The following SCFD1 variants were observed in gnomAD, a reference collection of about 807,000 sequenced individuals.
SCFD1 encodes sec1 family domain containing 1, also known as sec1 family domain-containing protein 1.
Under a neutral mutation model 103.2 loss-of-function variants are expected in SCFD1, and 37 were observed. The ratio of observed to expected loss-of-function variants is 0.36; its 90% CI spans 0.28 to 0.47. The LOEUF is 0.47. Ranked by LOEUF, SCFD1 falls within the 20% of genes least tolerant of loss-of-function variation. SCFD1 has a pLI of 1.00. For missense variants in SCFD1, 639 were observed against 761.2 expected (o/e 0.84, Z 1.89); for synonymous variants, 264 against 245.0 (o/e 1.08, Z -0.73).
At chr14:30,691,615 A>T (rs1890306953) in intron 14 of SCFD1, among the ~76,000 whole-genome samples, 5 of 152,220 alleles carry the variant, frequency 3.3e-5, no homozygotes, top group Admixed American at 3.3e-4. Flanking sequence ...GATGTAACTC[A>T]CGTACTTTGC....
At chr14:30,682,907 T>C (rs1410192230) in intron 14 of SCFD1, 2 of 397,578 alleles carry the variant, frequency 5.0e-6, no homozygotes, top group Non-Finnish European at 9.0e-6. Context: ...AGGGCTCAAC[T>C]GAGGCTTAAT....
chr14:30,711,973 T>G (rs10130633), intron 19 of SCFD1, among the ~76,000 whole-genome samples: 3,803 of 152,186 alleles, frequency 0.025, 185 homozygotes, highest in African/African-American at 0.087. Context: ...TCACATAATC[T>G]CATTTTCTTT....
chr14:30,727,915 T>C (rs753262970), intron 23 of SCFD1, among the ~76,000 whole-genome samples: 1 of 152,182 alleles, frequency 6.6e-6, no homozygotes, highest in Non-Finnish European at 1.5e-5. Flanking sequence ...AAAACATTAA[T>C]TCCAAGCTTA....
intron 23 of SCFD1, among the ~76,000 whole-genome samples, chr14:30,725,577 C>T (rs750745709): frequency 6.6e-6 from 1 of 152,198 alleles, no homozygotes; most frequent in Non-Finnish European, 1.5e-5. Flanking sequence ...GCTTAAGAAG[C>T]TTTTGGGCTG....
At position 30,669,516 on chromosome 14, in the gene SCFD1, T is replaced by G. The variant is rs145877747; in HGVS notation, c.856-740T>G. Among the ~76,000 whole-genome samples, 847 of 151,958 alleles carry G rather than the reference T, an allele frequency of 5.6e-3. 10 individuals are homozygous for G. The highest frequency in any genetic ancestry group is 0.019 in the African/African-American group (777 of 41,402). On this transcript the variant is annotated intron_variant, in intron 10 of 24. Transcript: ENST00000458591. Reference sequence around the variant, plus strand: ...TTTTGCCTAATGGTTTTTGTGGGTTTGGTTTGGTTTGGTTTTGGGTTTTGG... The same window carrying G: ...TTTTGCCTAATGGTTTTTGTGGGTTGGGTTTGGTTTGGTTTTGGGTTTTGG...
intron 17 of SCFD1, among the ~76,000 whole-genome samples, chr14:30,703,528 A>G (rs997272032): frequency 6.6e-6 from 1 of 151,030 alleles, no homozygotes; most frequent in Non-Finnish European, 1.5e-5. Context: ...TATTTTTCAA[A>G]TTTTCTACAA....
At chr14:30,693,796 A>C (rs1197271840) in intron 14 of SCFD1, among the ~76,000 whole-genome samples, 1 of 152,164 alleles carries the variant, frequency 6.6e-6, no homozygotes, top group Non-Finnish European at 1.5e-5. Flanking sequence ...AATTATAAAA[A>C]TTGTTTTTAT....
At chr14:30,683,032 TG>T in intron 14 of SCFD1, 1 of 1,320,224 alleles carries the variant, frequency 7.6e-7, no homozygotes, top group Non-Finnish European at 1.1e-6. Flanking sequence ...AAGGACAGGC[TG>T]GGCAGCCTGG....
At chr14:30,622,896 T>C (rs1882997876) in intron 1 of SCFD1, among the ~76,000 whole-genome samples, 1 of 152,218 alleles carries the variant, frequency 6.6e-6, no homozygotes, top group African/African-American at 2.4e-5. Context: ...ATAAACATTT[T>C]CTCCTTCAGC....
intron 23 of SCFD1, among the ~76,000 whole-genome samples, chr14:30,729,824 T>C (rs567159222): frequency 6.6e-6 from 1 of 152,282 alleles, no homozygotes; most frequent in Non-Finnish European, 1.5e-5. Context: ...CTTTCAATAA[T>C]ATTTTGTAGT....
chr14:30,657,865 G>T (rs1887057955), intron 10 of SCFD1, among the ~76,000 whole-genome samples: 2 of 151,722 alleles, frequency 1.3e-5, no homozygotes, highest in South Asian at 2.1e-4. Context: ...ATTGATAATT[G>T]TTTATATATT....
intron 1 of SCFD1, among the ~76,000 whole-genome samples, chr14:30,625,186 C>T (rs1280169267): frequency 6.6e-6 from 1 of 151,976 alleles, no homozygotes; most frequent in African/African-American, 2.4e-5. Context: ...CCAATAACTA[C>T]AGTGCCTGTG....
chr14:30,713,178 T>C (rs1892014768), intron 19 of SCFD1, among the ~76,000 whole-genome samples: 1 of 152,220 alleles, frequency 6.6e-6, no homozygotes, highest in South Asian at 2.1e-4. Context: ...GAGCATTAGC[T>C]GGTGACAGAT....
At chr14:30,733,945 A>G (rs953047721) in intron 23 of SCFD1, among the ~76,000 whole-genome samples, 4 of 152,128 alleles carry the variant, frequency 2.6e-5, no homozygotes, top group Non-Finnish European at 4.4e-5. Context: ...TCTACCTTTA[A>G]TTAATGCCTG....
In SCFD1 at chr14:30,683,299, G is replaced by C. The variant is rs533924389; in HGVS notation, c.1242+8234G>C. ...GGTGTCCACACTGGGATAGTAGCAG[G>C]GTGTGAGGAATTTCACCTGGGTGCA... On this transcript the variant is annotated intron_variant, in intron 14 of 24. Coordinates refer to ENST00000458591, the MANE Select transcript of SCFD1 (RefSeq NM_016106.4). 63 of 814,402 alleles carry C rather than the reference G, an allele frequency of 7.7e-5. No individual in the cohort carries two copies. The East Asian group carries it at 1.7e-3, about 22-fold the overall frequency. 50.4% of individuals were successfully genotyped at this position (814,402 alleles called of 1,614,324 possible). A position where few individuals can be genotyped will look rare whatever the true frequency, so the allele number is the denominator to read the frequency against.
chr14:30,649,736 A>G (rs540899150), intron 8 of SCFD1, among the ~76,000 whole-genome samples, 153 bp downstream of exon 8: 1 of 152,338 alleles, frequency 6.6e-6, no homozygotes, highest in Admixed American at 6.5e-5. Flanking sequence ...TTGAGATTGC[A>G]CCGAAGATAA....
chr14:30,675,131 A>G (rs1422587772), intron 14 of SCFD1, 66 bp downstream of exon 14: 3 of 765,224 alleles, frequency 3.9e-6, no homozygotes, highest in Non-Finnish European at 6.2e-6. Context: ...ACTTTGTAAG[A>G]TGCTTTAGTA....
intron 10 of SCFD1, among the ~76,000 whole-genome samples, chr14:30,666,201 C>T (rs1437165019): frequency 6.6e-6 from 1 of 152,202 alleles, no homozygotes; most frequent in East Asian, 1.9e-4. Flanking sequence ...TCACAACAAA[C>T]TGTCTCTCAG....
intron 19 of SCFD1, among the ~76,000 whole-genome samples, chr14:30,708,802 G>A (rs985369096): frequency 1.1e-4 from 17 of 151,922 alleles, no homozygotes; most frequent in Non-Finnish European, 2.1e-4. Flanking sequence ...CCTCGATTTC[G>A]CATTTTCTTT....
Sources: gnomAD v4.1 joint callset for allele counts (sites outside exome capture counted in the v4.1 genomes callset) on GRCh38, gnomAD v4.1.1 for gene constraint, MANE v1.5 for transcripts, NCBI Gene and HGNC (gene_info 2026-07-23, HGNC 2026-07-21) for gene names.